SLCO6A1: variants seen among roughly 807,000 people sequenced by gnomAD.
SLCO6A1 encodes the protein cancer/testis antigen 48.
Under a neutral mutation model 72.7 loss-of-function variants are expected in SLCO6A1, and 65 were observed. The ratio of observed to expected loss-of-function variants is 0.89; its 90% CI spans 0.73 to 1.10. SLCO6A1 has a LOEUF of 1.10. SLCO6A1 is among the 50% of genes least tolerant of loss of function. SLCO6A1 has a pLI of 0.00. For missense variants in SLCO6A1, 874 were observed against 872.6 expected, an observed-to-expected ratio of 1.00 and a Z score of -0.02; for synonymous variants, 314 against 298.2, an observed-to-expected ratio of 1.05 and a Z score of -0.55.
Position 102,498,825 on chromosome 5 carries a change from C to T in SLCO6A1, c.20G>A (p.Arg7Gln), listed in dbSNP as rs1168675825. The change falls in exon 1 of 14, where the codon CGG becomes CAG. Residue 7 changes from arginine (R) to glutamine (Q), a missense_variant. Transcript: ENST00000506729. MFVGVA[R>Q]HSGSQDEVSR... ...GACTTCATCCTGGCTCCCAGAGTGC[C>T]GGGCGACGCCTACGAACATGGCTCA... The T allele has an allele frequency of 6.2e-7, 1 of 1,610,762 alleles. No individual in the cohort carries two copies. The highest frequency in any genetic ancestry group is 1.1e-5 in the South Asian group (1 of 91,046).
intron 6 of SLCO6A1, among the ~76,000 whole-genome samples, chr5:102,445,927 G>A (rs1201301740): frequency 6.6e-6 from 1 of 152,140 alleles, no homozygotes; most frequent in Non-Finnish European, 1.5e-5. Context: ...ATTGGTCTCT[G>A]TGTCTGTTTA....
At chr5:102,477,193 C>A (rs1405437137) in intron 3 of SLCO6A1, among the ~76,000 whole-genome samples, 1 of 152,110 alleles carries the variant, frequency 6.6e-6, no homozygotes, top group Non-Finnish European at 1.5e-5. Flanking sequence ...ACGATCTTGG[C>A]TCGCTGCAAT....
chr5:102,392,683 C>T (rs1193271900), intron 10 of SLCO6A1, among the ~76,000 whole-genome samples: 1 of 151,872 alleles, frequency 6.6e-6, no homozygotes, highest in Non-Finnish European at 1.5e-5. Flanking sequence ...TGAAAAACTA[C>T]TGTGCTTTAA....
chr5:102,442,702 G>A (rs546092981), intron 6 of SLCO6A1, among the ~76,000 whole-genome samples: 19 of 152,236 alleles, frequency 1.2e-4, no homozygotes, highest in Non-Finnish European at 2.2e-4. Flanking sequence ...TTTATCATAA[G>A]GTTAAACATA....
intron 5 of SLCO6A1, 58 bp from the exon 6 acceptor site, chr5:102,458,549 TA>T: frequency 8.4e-7 from 1 of 1,188,732 alleles, no homozygotes; most frequent in Non-Finnish European, 1.2e-6. Flanking sequence ...AACCCATACA[TA>T]AAACCTACAT....
intron 1 of SLCO6A1, among the ~76,000 whole-genome samples, chr5:102,483,517 G>A (rs186613370): frequency 1.1e-4 from 16 of 152,270 alleles, no homozygotes; most frequent in Admixed American, 1.0e-3. Context: ...ACCAATTGGT[G>A]TCTAGAACTA....
chr5:102,455,007 A>ACTATAT (rs932681022), intron 6 of SLCO6A1, among the ~76,000 whole-genome samples: 4 of 76,692 alleles, frequency 5.2e-5, no homozygotes, highest in Middle Eastern at 6.7e-3. Flanking sequence ...AATATATATA[A>ACTATAT]ATATATATAT....
chr5:102,372,990 C>T lies in SLCO6A1; in HGVS notation c.*15+347G>A, dbSNP rs562995598. Among the ~76,000 whole-genome samples the T allele has an allele frequency of 4.5e-3, 678 of 151,722 alleles. 6 individuals are homozygous for T. Among genetic ancestry groups the T allele is most frequent in the African/African-American group, 0.015 (617 of 41,464 alleles). ...AGAAATAAATATCTACTGCCCAAATCAAAAGTACTAAGAATAAGCTAAAAA... is the reference window on the plus strand; with the variant it reads ...AGAAATAAATATCTACTGCCCAAATTAAAAGTACTAAGAATAAGCTAAAAA... On this transcript the variant is annotated intron_variant, in intron 13 of 13. Transcript: ENST00000506729.
chr5:102,481,564 A>C (rs1199337752), intron 1 of SLCO6A1, among the ~76,000 whole-genome samples: 2 of 152,326 alleles, frequency 1.3e-5, no homozygotes, highest in East Asian at 3.9e-4. Context: ...CCTTGCAAAT[A>C]GGAGTGAGTA....
chr5:102,460,153 A>G (rs777387592), intron 4 of SLCO6A1, among the ~76,000 whole-genome samples: 1 of 152,170 alleles, frequency 6.6e-6, no homozygotes, highest in African/African-American at 2.4e-5. Flanking sequence ...CTTAAAAATC[A>G]AGCACTGAGA....
intron 11 of SLCO6A1, among the ~76,000 whole-genome samples, chr5:102,389,635 A>G (rs1746635907): frequency 1.3e-5 from 2 of 151,832 alleles, no homozygotes; most frequent in Non-Finnish European, 2.9e-5. Context: ...ACTATTTTTA[A>G]TTACTCAAGT....
intron 12 of SLCO6A1, among the ~76,000 whole-genome samples, chr5:102,387,892 C>T (rs1459491599): frequency 1.3e-5 from 2 of 152,104 alleles, no homozygotes; most frequent in African/African-American, 2.4e-5. Context: ...GATAAGTTTT[C>T]CAAAGTTATA....
At chr5:102,422,282 T>C (rs933553595) in intron 7 of SLCO6A1, among the ~76,000 whole-genome samples, 1 of 152,102 alleles carries the variant, frequency 6.6e-6, no homozygotes, top group Admixed American at 6.5e-5. Flanking sequence ...GTTTCACAAA[T>C]TGACAGAAGT....
chr5:102,398,610 G>A (rs1257234047), intron 10 of SLCO6A1, among the ~76,000 whole-genome samples: 1 of 152,150 alleles, frequency 6.6e-6, no homozygotes, highest in African/African-American at 2.4e-5. Context: ...GCAGTTTTCA[G>A]TGGTTCCCAG....
At chr5:102,477,216 G>A (rs577840804) in intron 3 of SLCO6A1, among the ~76,000 whole-genome samples, 2 of 152,158 alleles carry the variant, frequency 1.3e-5, no homozygotes, top group East Asian at 1.9e-4. Flanking sequence ...CTGCCTCCTG[G>A]GTTTAAGCAA....
At position 102,372,002 on chromosome 5, in the gene SLCO6A1, C is replaced by T. The variant is rs1470492215; in HGVS notation, c.*137G>A. 6.6e-6 allele frequency: 1 copy of T among 151,926 alleles called. No individual in the cohort carries two copies. Among genetic ancestry groups the T allele is most frequent in the Non-Finnish European group, 1.5e-5 (1 of 67,898 alleles). The allele number at this position is 151,926 out of a possible 1,614,324, so 9.4% of individuals were successfully genotyped here. A position where few individuals can be genotyped will look rare whatever the true frequency, so the allele number is the denominator to read the frequency against. On this transcript the variant is annotated 3_prime_UTR_variant, in exon 14 of 14. Transcript: ENST00000506729. ...GCAGATCACCATAAATATATTTTTG[C>T]TACTTATGTAAACATAATGTGTGAT...
intron 7 of SLCO6A1, 27 bp downstream of exon 7, chr5:102,438,590 G>T: frequency 6.4e-7 from 1 of 1,563,438 alleles, no homozygotes; most frequent in South Asian, 1.2e-5. Context: ...CAAAATTTTT[G>T]AAATGACAAT....
chr5:102,386,024 G>A (rs1580330937), intron 12 of SLCO6A1, among the ~76,000 whole-genome samples: 1 of 152,012 alleles, frequency 6.6e-6, no homozygotes, highest in African/African-American at 2.4e-5. Flanking sequence ...GCGTTGCTTT[G>A]GTGGTGTCAT....
In SLCO6A1 at chr5:102,430,671, T is replaced by C. The variant is rs555928360; in HGVS notation, c.1276+7946A>G. Among the ~76,000 whole-genome samples, 4 of 152,318 alleles carry C rather than the reference T, an allele frequency of 2.6e-5. No homozygotes were observed. In the South Asian group the frequency reaches 8.3e-4, roughly 32 times the overall value. On this transcript the variant is annotated intron_variant, in intron 7 of 13. Transcript: ENST00000506729. ...ACCTACTTGATCATGGTGGATTAGC[T>C]TTTGATGTACTGCTGGATTTATTTG... is the stretch of plus-strand genomic sequence containing the variant.
Sources: allele counts gnomAD v4.1 joint callset (sites outside exome capture counted in the v4.1 genomes callset), GRCh38; gene constraint gnomAD v4.1.1; transcripts MANE v1.5; gene names NCBI Gene and HGNC (gene_info 2026-07-23, HGNC 2026-07-21).